PUS10: variants seen among roughly 807,000 people sequenced by gnomAD.
PUS10 encodes the protein pseudouridine synthase 10.
PUS10 carries 59 observed loss-of-function variants against 75.0 expected under a neutral mutation model. The observed-to-expected ratio is 0.79, with a 90% CI of 0.64 to 0.98. The LOEUF (loss-of-function observed/expected upper bound fraction) is 0.98. Among genes scored for constraint, PUS10 ranks in the 50% least tolerant of loss-of-function variants. PUS10 has a pLI of 0.00. For missense variants in PUS10, 650 were observed against 614.4 expected (o/e 1.06, Z -0.61); for synonymous variants, 219 against 211.6 (o/e 1.03, Z -0.30).
intron 4 of PUS10, among the ~76,000 whole-genome samples, chr2:60,981,740 C>T (rs1677408183): frequency 6.6e-6 from 1 of 152,152 alleles, no homozygotes; most frequent in South Asian, 2.1e-4. Flanking sequence ...CTTTAATATA[C>T]ATCTTAATAG....
chr2:61,010,859 C>T (rs1291424234), intron 2 of PUS10: 4 of 1,550,216 alleles, frequency 2.6e-6, no homozygotes, highest in South Asian at 2.4e-5. Context: ...GGGCAGGTTG[C>T]TTAACCTCTC....
chr2:60,946,063 A>G (rs749961501), intron 16 of PUS10, among the ~76,000 whole-genome samples: 2 of 152,228 alleles, frequency 1.3e-5, no homozygotes, highest in Admixed American at 1.3e-4. Context: ...CATAAGACAT[A>G]TAATTATCTA....
chr2:60,947,996 A>G (rs1558862437), intron 16 of PUS10, 47 bp downstream of exon 16: 1 of 1,609,926 alleles, frequency 6.2e-7, no homozygotes, highest in Admixed American at 1.7e-5. Flanking sequence ...GAACTTTTCC[A>G]ATAGAGTTCT....
chr2:60,998,266 C>A (rs1364606021), intron 4 of PUS10, among the ~76,000 whole-genome samples: 1 of 152,164 alleles, frequency 6.6e-6, no homozygotes, highest in African/African-American at 2.4e-5. Context: ...TTAGTATGTG[C>A]ATTTTTAGGA....
At chr2:61,000,249 C>T (rs187333216) in intron 4 of PUS10, among the ~76,000 whole-genome samples, 2 of 152,322 alleles carry the variant, frequency 1.3e-5, no homozygotes, top group Admixed American at 1.3e-4. Flanking sequence ...GGAAAGCAAA[C>T]TCATCCCACT....
At position 60,960,438 on chromosome 2, in the gene PUS10, C is replaced by T; in HGVS notation, c.954G>A (p.Val318=). The change falls in exon 11 of 18, where the codon GTG becomes GTA. Residue 318 remains valine, a synonymous_variant. Coordinates refer to ENST00000316752, the MANE Select transcript of PUS10 (RefSeq NM_144709.4). ...IDGERKLESS[V]EELISDHLLA... Reference sequence around the variant, plus strand: ...ACAGATGATCTGAAATTAATTCTTCCACTGAAGATTCCAGCTTCCTTTCTC... The same window carrying T: ...ACAGATGATCTGAAATTAATTCTTCTACTGAAGATTCCAGCTTCCTTTCTC... The T allele has an allele frequency of 6.3e-7, 1 of 1,576,928 alleles. No homozygotes were observed. Among genetic ancestry groups the T allele is most frequent in the Non-Finnish European group, 8.6e-7 (1 of 1,166,228 alleles).
Position 60,967,519 on chromosome 2 carries a change from C to T in PUS10, c.598G>A (p.Val200Ile). ...CCCAATACCTTTCCATCAATGGGAA[C>T]ACCCAGTTCCTCTGAAAACAGGGGG... ...THPLFSEELG[V>I]PIDGKSLFEV... Residue 200 changes from valine (V) to isoleucine (I), a missense_variant, in exon 6 of 18, where the codon GTT becomes ATT. Physicochemically the swap from Val to Ile is conservative, Grantham distance 29. Coordinates refer to ENST00000316752, the MANE Select transcript of PUS10 (RefSeq NM_144709.4). The T allele has an allele frequency of 6.3e-7, 1 of 1,598,646 alleles. No homozygotes were observed. Among genetic ancestry groups the T allele is most frequent in the Non-Finnish European group, 8.5e-7 (1 of 1,169,854 alleles).
intron 4 of PUS10, among the ~76,000 whole-genome samples, chr2:60,990,471 G>A (rs1329954754): frequency 6.6e-6 from 1 of 152,180 alleles, no homozygotes; most frequent in Non-Finnish European, 1.5e-5. Flanking sequence ...ATCCTGATAA[G>A]CCCTATGTTT....
chr2:61,009,977 T>C (rs1679492543), intron 2 of PUS10: 2 of 152,196 alleles, frequency 1.3e-5, no homozygotes, highest in South Asian at 2.1e-4. Flanking sequence ...ATCTATAATA[T>C]AGATATAACA....
rs759652276 is a variant in PUS10, at chr2:60,953,932, C to T, written c.1190+1G>A. On this transcript the variant is annotated splice_donor_variant, in intron 14 of 17. Coordinates refer to ENST00000316752, the MANE Select transcript of PUS10 (RefSeq NM_144709.4). LOFTEE classifies it high-confidence loss of function. Reference sequence around the variant, plus strand: ...ATCATCTCCAATGAGCCTACTCTTACCTTGTGACAAGCTGCAAGTCACGTA... The same window carrying T: ...ATCATCTCCAATGAGCCTACTCTTATCTTGTGACAAGCTGCAAGTCACGTA... 4 of 1,613,330 alleles carry T rather than the reference C, an allele frequency of 2.5e-6. No homozygotes were observed. The highest frequency in any genetic ancestry group is 1.3e-5 in the African/African-American group (1 of 74,898).
Position 60,954,998 on chromosome 2 carries a change from T to C in PUS10, c.1057+20A>G. The C allele has an allele frequency of 6.7e-7, 1 of 1,497,338 alleles. No individual in the cohort carries two copies. Among genetic ancestry groups the C allele is most frequent in the Non-Finnish European group, 9.2e-7 (1 of 1,089,992 alleles). The allele number at this position is 1,497,338 out of a possible 1,614,324, so 92.8% of individuals were successfully genotyped here. ...AATCAGAAAGTTAGTTCTAATCAGG[T>C]GATGCTGTTGCAGTCTTACCATTTC... On this transcript the variant is annotated intron_variant, in intron 12 of 17. Transcript: ENST00000316752.
At chr2:60,990,241 G>C (rs1170292455) in intron 4 of PUS10, among the ~76,000 whole-genome samples, 1 of 152,092 alleles carries the variant, frequency 6.6e-6, no homozygotes, top group Non-Finnish European at 1.5e-5. Context: ...AACAAGATTG[G>C]AAAACAAAGT....
chr2:60,971,334 T>C (rs1161103315), intron 5 of PUS10, among the ~76,000 whole-genome samples, 189 bp downstream of exon 5: 1 of 152,194 alleles, frequency 6.6e-6, no homozygotes, highest in Non-Finnish European at 1.5e-5. Context: ...ACTAATATGC[T>C]ATGCAAATAA....
intron 16 of PUS10, among the ~76,000 whole-genome samples, chr2:60,946,754 G>T (rs1358128668): frequency 6.6e-6 from 1 of 151,994 alleles, no homozygotes; most frequent in Admixed American, 6.6e-5. Context: ...GGAAGGACAG[G>T]CAGACTAGTT....
At chr2:60,947,732 G>A (rs936349279) in intron 16 of PUS10, among the ~76,000 whole-genome samples, 48 of 151,552 alleles carry the variant, frequency 3.2e-4, no homozygotes, top group African/African-American at 1.1e-3. Flanking sequence ...GGGAGGCTGA[G>A]GCAGGAGAAT....
chr2:60,945,294 C>T (rs2104101389), intron 16 of PUS10, among the ~76,000 whole-genome samples, 186 bp from the exon 17 acceptor site: 1 of 152,302 alleles, frequency 6.6e-6, no homozygotes, highest in Non-Finnish European at 1.5e-5. Context: ...CAGCCAACAT[C>T]AGAGCCTGGG....
Position 60,958,835 on chromosome 2 carries a change from G to A in PUS10, c.1000+1557C>T, listed in dbSNP as rs575757395. On this transcript the variant is annotated intron_variant, in intron 11 of 17. Transcript: ENST00000316752. ...CAGGAGCTAAAGGCTGCAGTGAGCC[G>A]TGATCACACTACTACACTAGAGCCT... Among the ~76,000 whole-genome samples the A allele has an allele frequency of 9.9e-5, 15 of 152,146 alleles. No individual in the cohort carries two copies. The South Asian group carries it at 2.9e-3, about 29-fold the overall frequency.
chr2:60,993,338 T>A (rs942536337), intron 4 of PUS10, among the ~76,000 whole-genome samples: 1 of 151,618 alleles, frequency 6.6e-6, no homozygotes, highest in African/African-American at 2.4e-5. Flanking sequence ...ATGGCTGCAG[T>A]CCCCGCTACT....
At chr2:61,015,368 T>A (rs1283325601) in intron 1 of PUS10, among the ~76,000 whole-genome samples, 2 of 151,742 alleles carry the variant, frequency 1.3e-5, no homozygotes, top group Non-Finnish European at 2.9e-5. Context: ...CGTGTGGAGG[T>A]GTGCACCTGT....
Sources: gnomAD v4.1 joint callset for allele counts (sites outside exome capture counted in the v4.1 genomes callset) on GRCh38, gnomAD v4.1.1 for gene constraint, MANE v1.5 for transcripts, NCBI Gene and HGNC (gene_info 2026-07-23, HGNC 2026-07-21) for gene names.